The following CNTN6 variants were observed in gnomAD, a reference collection of about 807,000 sequenced individuals.
CNTN6 encodes the protein contactin 6.
Under a neutral mutation model 122.8 loss-of-function variants are expected in CNTN6, and 137 were observed. That is an observed-to-expected ratio of 1.12 (90% CI 0.97 to 1.29). The LOEUF is 1.29. Among genes scored for constraint, CNTN6 ranks in the 50% most tolerant of loss-of-function variants. The probability of loss-of-function intolerance (pLI) is 0.00; values close to 1 mark genes in which losing one functional copy is unlikely to be tolerated. For synonymous variants in CNTN6, 570 were observed against 426.0 expected (o/e 1.34, Z -4.16); for missense variants, 1,634 against 1,223.4 (o/e 1.34, Z -5.01).
intron 4 of CNTN6, among the ~76,000 whole-genome samples, chr3:1,253,823 A>G (rs369769783): frequency 3.3e-5 from 5 of 152,268 alleles, no homozygotes; most frequent in East Asian, 3.9e-4. Flanking sequence ...CTAACTGTCT[A>G]TGGCCCAGCA....
rs146968606 is a variant in CNTN6, at chr3:1,213,329, C to CTT, written c.56-7352_56-7351dup. Among the ~76,000 whole-genome samples the CTT allele has an allele frequency of 7.2e-5, 11 of 151,940 alleles. No homozygotes were observed. The South Asian group carries it at 2.1e-3, about 29-fold the overall frequency. The stretch of plus-strand genomic sequence containing the variant: ...ATATGCATTATTTCAACCAGGTTTT[C>CTT]TTTTTTTGTGTAGGAGGTAGGGGGT... On this transcript the variant is annotated intron_variant, in intron 2 of 22. Transcript: ENST00000446702.
intron 1 of CNTN6, among the ~76,000 whole-genome samples, chr3:1,110,778 T>C (rs1237180552): frequency 1.3e-5 from 2 of 152,126 alleles, no homozygotes; most frequent in Non-Finnish European, 2.9e-5. Flanking sequence ...TCCTCCCAGG[T>C]CCTGATTCAA....
intron 4 of CNTN6, among the ~76,000 whole-genome samples, chr3:1,245,051 A>G (rs1431413671): frequency 6.7e-5 from 10 of 149,116 alleles, no homozygotes; most frequent in African/African-American, 2.5e-4. Flanking sequence ...CGTGCAAGTT[A>G]CAGGGGATGC....
chr3:1,282,417 T>C (rs1206144361), intron 5 of CNTN6, among the ~76,000 whole-genome samples: 2 of 152,226 alleles, frequency 1.3e-5, no homozygotes, highest in South Asian at 2.1e-4. Flanking sequence ...AGACGCTCTA[T>C]TTTATCATTT....
At chr3:1,099,497 A>G (rs1358512411) in intron 1 of CNTN6, among the ~76,000 whole-genome samples, 1 of 152,118 alleles carries the variant, frequency 6.6e-6, no homozygotes, top group Non-Finnish European at 1.5e-5. Flanking sequence ...GTTCTAGGAT[A>G]TATTTCACCT....
intron 1 of CNTN6, among the ~76,000 whole-genome samples, chr3:1,146,932 C>T (rs554727999): frequency 1.3e-5 from 2 of 152,040 alleles, no homozygotes; most frequent in East Asian, 3.9e-4. Flanking sequence ...TTTATTTTTC[C>T]TGTGATTTTT....
chr3:1,226,624 C>T (rs2094287496), intron 3 of CNTN6, among the ~76,000 whole-genome samples: 2 of 152,036 alleles, frequency 1.3e-5, no homozygotes, highest in African/African-American at 4.8e-5. Flanking sequence ...TAGATCATAC[C>T]CTCTTTTTAC....
chr3:1,127,004 A>T (rs1196910127), intron 1 of CNTN6, among the ~76,000 whole-genome samples: 5 of 151,782 alleles, frequency 3.3e-5, no homozygotes, highest in Non-Finnish European at 1.5e-5. Context: ...TACATTATAT[A>T]CAAATACAAT....
chr3:1,280,921 A>G (rs1190736227), intron 5 of CNTN6, among the ~76,000 whole-genome samples: 1 of 152,152 alleles, frequency 6.6e-6, no homozygotes, highest in African/African-American at 2.4e-5. Flanking sequence ...TCTTGCCATG[A>G]GCATTTGTCC....
At chr3:1,250,680 G>A (rs187443001) in intron 4 of CNTN6, among the ~76,000 whole-genome samples, 38 of 152,120 alleles carry the variant, frequency 2.5e-4, no homozygotes, top group African/African-American at 6.7e-4. Flanking sequence ...CCAATCCTCC[G>A]CAGCTTGTGA....
chr3:1,319,824 CAG>C (rs1185779808), intron 7 of CNTN6, among the ~76,000 whole-genome samples: 2 of 69,626 alleles, frequency 2.9e-5, no homozygotes, highest in Non-Finnish European at 5.3e-5. Flanking sequence ...CAGAAATAAA[CAG>C]AGAGCAGAAA....
intron 4 of CNTN6, among the ~76,000 whole-genome samples, chr3:1,252,325 CT>C (rs1175176391): frequency 3.3e-5 from 5 of 152,188 alleles, no homozygotes; most frequent in Middle Eastern, 6.8e-3. Context: ...TTTTGTGTGA[CT>C]TTTTTCTGCT....
intron 2 of CNTN6, among the ~76,000 whole-genome samples, chr3:1,154,603 C>T (rs573698417): frequency 1.3e-5 from 2 of 152,166 alleles, no homozygotes; most frequent in East Asian, 3.9e-4. Flanking sequence ...ACCACCACAC[C>T]TGGCTAACTT....
chr3:1,334,102 A>C (rs1702708192), intron 11 of CNTN6, among the ~76,000 whole-genome samples: 1 of 152,162 alleles, frequency 6.6e-6, no homozygotes, highest in Admixed American at 6.5e-5. Flanking sequence ...GTCAGAGGAG[A>C]AAAGTGTTTC....
chr3:1,260,945 A>G (rs1031300025), intron 4 of CNTN6, among the ~76,000 whole-genome samples: 24 of 152,238 alleles, frequency 1.6e-4, no homozygotes, highest in Middle Eastern at 3.4e-3. Context: ...GTGTGTGAAC[A>G]AAGTAATACA....
At chr3:1,172,574 C>T (rs1014113101) in intron 2 of CNTN6, among the ~76,000 whole-genome samples, 4 of 152,010 alleles carry the variant, frequency 2.6e-5, no homozygotes, top group African/African-American at 9.7e-5. Context: ...TTCCCAAAAG[C>T]ATCCAAGAAT....
At chr3:1,166,819 G>C (rs1187956960) in intron 2 of CNTN6, among the ~76,000 whole-genome samples, 1 of 152,140 alleles carries the variant, frequency 6.6e-6, no homozygotes, top group Admixed American at 6.5e-5. Flanking sequence ...TCACTCATAA[G>C]TGGGAGTTGA....
At chr3:1,387,024 T>G (rs752224081) in intron 20 of CNTN6, among the ~76,000 whole-genome samples, 8 of 152,278 alleles carry the variant, frequency 5.3e-5, no homozygotes, top group Non-Finnish European at 1.2e-4. Flanking sequence ...CTGTCAGATA[T>G]TCATGTTCCA....
At chr3:1,122,826 C>A (rs191475477) in intron 1 of CNTN6, among the ~76,000 whole-genome samples, 10 of 151,750 alleles carry the variant, frequency 6.6e-5, no homozygotes, top group African/African-American at 2.4e-4. Context: ...ATGTACATAT[C>A]ACAATTTGTT....
Sources: allele counts gnomAD v4.1 joint callset (sites outside exome capture counted in the v4.1 genomes callset), GRCh38; gene constraint gnomAD v4.1.1; transcripts MANE v1.5; gene names NCBI Gene and HGNC (gene_info 2026-07-23, HGNC 2026-07-21).